The following BLTP3B variants were observed in gnomAD, a reference collection of about 807,000 sequenced individuals.
BLTP3B encodes UHRF1 (ICBP90) binding protein 1-like.
chr12:100,122,899 G>T, the BLTP3B span, among the ~76,000 whole-genome samples: 1 of 152,130 alleles, frequency 6.6e-6, no homozygotes, highest in Middle Eastern at 3.2e-3. Flanking sequence ...CCTGAGAACA[G>T]TTGGACATGC....
At chr12:100,129,547 T>TA in the BLTP3B span, among the ~76,000 whole-genome samples, 6 of 152,186 alleles carry the variant, frequency 3.9e-5, no homozygotes, top group Admixed American at 3.9e-4. Flanking sequence ...ATTCTGCCCT[T>TA]AAAGAGATGA....
chr12:100,079,217 G>A, the BLTP3B span, among the ~76,000 whole-genome samples: 1 of 152,212 alleles, frequency 6.6e-6, no homozygotes, highest in Non-Finnish European at 1.5e-5. Flanking sequence ...TTGGAACTGG[G>A]TAACAGGCAG....
chr12:100,110,262 T>C, the BLTP3B span, among the ~76,000 whole-genome samples: 1 of 152,206 alleles, frequency 6.6e-6, no homozygotes, highest in Non-Finnish European at 1.5e-5. Context: ...AAACCAGAAT[T>C]TGAGCCAGAT....
the BLTP3B span, chr12:100,059,674 A>G: frequency 2.6e-6 from 3 of 1,142,514 alleles, no homozygotes; most frequent in East Asian, 7.8e-5. Flanking sequence ...TAAAACACTA[A>G]CTCTTCCCCT....
the BLTP3B span, among the ~76,000 whole-genome samples, chr12:100,040,230 T>A: frequency 3.3e-5 from 5 of 152,110 alleles, no homozygotes; most frequent in Non-Finnish European, 7.4e-5. Context: ...CAACAGTATG[T>A]CAATAATTAG....
the BLTP3B span, chr12:100,097,456 T>C: frequency 6.2e-7 from 1 of 1,613,600 alleles, no homozygotes; most frequent in Non-Finnish European, 8.5e-7. Context: ...TTGGGTGGCA[T>C]CTGCCTCTAT....
chr12:100,104,044 G>A, the BLTP3B span: 1 of 815,434 alleles, frequency 1.2e-6, no homozygotes, highest in Non-Finnish European at 1.9e-6. Flanking sequence ...ATATAGGACA[G>A]ACACACCAAA....
At chr12:100,098,605 T>C in the BLTP3B span, 52 of 1,483,962 alleles carry the variant, frequency 3.5e-5, no homozygotes, top group Non-Finnish European at 4.0e-5. Flanking sequence ...ATTCTATTAA[T>C]ATTTGCACAT....
the BLTP3B span, chr12:100,082,938 G>A: frequency 1.0e-6 from 1 of 981,112 alleles, no homozygotes; most frequent in Non-Finnish European, 1.6e-6. Context: ...AAATAAAATG[G>A]TAGCATTTGT....
the BLTP3B span, among the ~76,000 whole-genome samples, chr12:100,042,308 C>T: frequency 6.6e-6 from 1 of 151,740 alleles, no homozygotes; most frequent in African/African-American, 2.4e-5. Context: ...TGCAAGGGAC[C>T]CAAAAGAGTC....
the BLTP3B span, among the ~76,000 whole-genome samples, chr12:100,098,025 T>C: frequency 1.5e-3 from 221 of 152,256 alleles, no homozygotes; most frequent in Non-Finnish European, 2.7e-3. Flanking sequence ...GAGACCAGCC[T>C]GGGCAACATG....
the BLTP3B span, among the ~76,000 whole-genome samples, chr12:100,134,284 TAAAAG>T: frequency 1.3e-5 from 2 of 152,212 alleles, no homozygotes; most frequent in South Asian, 2.1e-4. Flanking sequence ...AGATCACAAA[TAAAAG>T]AGAAGACATC....
chr12:100,100,067 C>G, the BLTP3B span, among the ~76,000 whole-genome samples: 2 of 151,804 alleles, frequency 1.3e-5, no homozygotes, highest in Non-Finnish European at 2.9e-5. Context: ...CTGTGGGAGG[C>G]CAAGGCAGGT....
chr12:100,072,845 A>G, the BLTP3B span: 13 of 1,570,940 alleles, frequency 8.3e-6, no homozygotes, highest in Non-Finnish European at 1.1e-5. Context: ...CTGAAATCAC[A>G]CTGAATAAAA....
the BLTP3B span, among the ~76,000 whole-genome samples, chr12:100,106,208 G>A: frequency 6.6e-6 from 1 of 151,844 alleles, no homozygotes; most frequent in Admixed American, 6.6e-5. Context: ...CTACCGAGTG[G>A]GTACCTATCC....
the BLTP3B span, chr12:100,072,701 T>G: frequency 6.3e-7 from 1 of 1,585,362 alleles, no homozygotes; most frequent in Non-Finnish European, 8.5e-7. Flanking sequence ...TGGATAGTAA[T>G]ATTCTGTGAA....
the BLTP3B span, chr12:100,037,165 C>G: frequency 1.1e-6 from 1 of 902,258 alleles, no homozygotes; most frequent in African/African-American, 1.8e-5. Context: ...ATTTTAATAA[C>G]ATTTAAAATG....
At chr12:100,088,661 C>CTT in the BLTP3B span, among the ~76,000 whole-genome samples, 2,348 of 152,230 alleles carry the variant, frequency 0.015, 61 homozygotes, top group African/African-American at 0.053. Context: ...TCTATTCAGT[C>CTT]TGATTTTTTT....
the BLTP3B span, chr12:100,089,027 A>G: frequency 6.2e-7 from 1 of 1,611,696 alleles, no homozygotes; most frequent in African/African-American, 1.3e-5. Context: ...CAATTGCATC[A>G]TTTACATCAG....
Sources: gnomAD v4.1 joint callset for allele counts (sites outside exome capture counted in the v4.1 genomes callset) on GRCh38, gnomAD v4.1.1 for gene constraint, MANE v1.5 for transcripts, NCBI Gene and HGNC (gene_info 2026-07-23, HGNC 2026-07-21) for gene names.